The following EDRF1 variants were observed in gnomAD, a reference collection of about 807,000 sequenced individuals.
EDRF1 encodes the protein erythroid differentiation-related factor 1.
EDRF1 carries 69 observed loss-of-function variants against 148.7 expected under a neutral mutation model. That is an observed-to-expected ratio of 0.46 (90% CI 0.38 to 0.57). The LOEUF (loss-of-function observed/expected upper bound fraction) is 0.57, where lower values mean the gene tolerates loss of function less well. EDRF1 is among the 20% of genes least tolerant of loss of function. The pLI, the probability that EDRF1 is intolerant of heterozygous loss-of-function variation, is 0.00. For synonymous variants in EDRF1, 515 were observed against 532.8 expected, an observed-to-expected ratio of 0.97 and a Z score of 0.46; for missense variants, 1,118 against 1,478.7, an observed-to-expected ratio of 0.76 and a Z score of 4.00.
At chr10:125,749,928 G>A (rs1192913631) in intron 22 of EDRF1, 1 of 339,978 alleles carries the variant, frequency 2.9e-6, no homozygotes, top group African/African-American at 2.1e-5. Flanking sequence ...ATCACCTGAG[G>A]TCAGGAGTTC....
At chr10:125,743,000 A>C in intron 17 of EDRF1, 58 bp from the exon 18 acceptor site, 1 of 1,594,648 alleles carries the variant, frequency 6.3e-7, no homozygotes, top group Non-Finnish European at 8.5e-7. Context: ...GTTCATTTGG[A>C]TACTGAGGAA....
At chr10:125,724,023 G>A in intron 4 of EDRF1, 87 bp downstream of exon 4, 1 of 1,503,090 alleles carries the variant, frequency 6.7e-7, no homozygotes, top group Non-Finnish European at 9.2e-7. Flanking sequence ...TGGCCAAAGT[G>A]GAAATGTAGT....
intron 11 of EDRF1, 144 bp from the exon 12 acceptor site, chr10:125,733,928 T>C: frequency 1.2e-6 from 1 of 865,076 alleles, no homozygotes; most frequent in Admixed American, 2.2e-5. Flanking sequence ...ATAAACGTTT[T>C]GGGGGTTGTG....
Position 125,725,398 on chromosome 10 carries a change from G to C in EDRF1, c.591G>C (p.Glu197Asp). 6.2e-7 allele frequency: 1 copy of C among 1,613,956 alleles called. No individual in the cohort carries two copies. Among genetic ancestry groups the C allele is most frequent in the Admixed American group, 1.7e-5 (1 of 60,000 alleles). Residue 197 changes from glutamate to aspartate, a missense_variant, in exon 5 of 25, where the codon GAG becomes GAC. Physicochemically the swap from Glu to Asp is conservative, Grantham distance 45. Coordinates refer to ENST00000356792, the MANE Select transcript of EDRF1 (RefSeq NM_001202438.2). ...QKWQRKKKSK[E>D]HWYQKAILSK... is the part of the protein sequence containing the mutation. ...GGCAGAGGAAGAAAAAGAGCAAAGA[G>C]CACTGGTATCAAAAGGCAATTCTTT...
In EDRF1 at chr10:125,733,491, A is replaced by G. The variant is rs1298301260; in HGVS notation, c.1216A>G (p.Ile406Val). ...AGTCATAAAAGACATTGCACAGAAT[A>G]TTTTATCATTTTTGAAATCTAATTG... ...TKVIKDIAQN[I>V]LSFLKSNCTK... is the part of the protein sequence containing the mutation. Residue 406 changes from isoleucine to valine, a missense_variant, in exon 10 of 25, where the codon ATT becomes GTT. Around this residue, in one of 3 missense-constraint regions of EDRF1, gnomAD observed 954 missense variants for 1,241.4 expected, o/e 0.77. Transcript: ENST00000356792. The G allele has an allele frequency of 6.3e-7, 1 of 1,596,756 alleles. No homozygotes were observed. Among genetic ancestry groups the G allele is most frequent in the Non-Finnish European group, 8.6e-7 (1 of 1,164,558 alleles).
chr10:125,734,305 T>C, intron 12 of EDRF1, 122 bp downstream of exon 12: 1 of 765,414 alleles, frequency 1.3e-6, no homozygotes, highest in Non-Finnish European at 2.3e-6. Context: ...TGGTAGCCAT[T>C]AGCACATGTG....
chr10:125,740,114 G>A (rs760378574), intron 15 of EDRF1, among the ~76,000 whole-genome samples: 2 of 152,178 alleles, frequency 1.3e-5, no homozygotes, highest in Non-Finnish European at 2.9e-5. Flanking sequence ...TTGAGGACAG[G>A]CTTTCACGCT....
chr10:125,740,493 G>T lies in EDRF1; in HGVS notation c.2012G>T (p.Ser671Ile). 1 of 1,613,920 alleles carries T rather than the reference G, an allele frequency of 6.2e-7. No homozygotes were observed. The highest frequency in any genetic ancestry group is 8.5e-7 in the Non-Finnish European group (1 of 1,180,002). The change falls in exon 16 of 25, where the codon AGT (serine) becomes ATT (isoleucine). Residue 671 changes from serine to isoleucine, a missense_variant. Around this residue, in one of 3 missense-constraint regions of EDRF1, gnomAD observed 954 missense variants for 1,241.4 expected, o/e 0.77. Transcript: ENST00000356792. ...TCCCTTCAGAAGGGCAATTATTCCA[G>T]TCAATCTGGAATGATCCCTGGCTCT... ...MGSLQKGNYS[S>I]QSGMIPGSWQ...
chr10:125,729,663 T>C (rs1448403708), intron 8 of EDRF1, among the ~76,000 whole-genome samples, 184 bp downstream of exon 8: 2 of 152,210 alleles, frequency 1.3e-5, no homozygotes, highest in Non-Finnish European at 2.9e-5. Flanking sequence ...TCTTCCTCTT[T>C]CTCTAGGTTT....
At chr10:125,751,430 G>A (rs1849637002) in intron 22 of EDRF1, among the ~76,000 whole-genome samples, 4 of 134,750 alleles carry the variant, frequency 3.0e-5, no homozygotes, top group Non-Finnish European at 1.6e-5. Context: ...TTTTTTTCTA[G>A]TACATATGAT....
intron 18 of EDRF1, 47 bp downstream of exon 18, chr10:125,743,323 A>C: frequency 6.5e-7 from 1 of 1,529,572 alleles, no homozygotes; most frequent in East Asian, 2.3e-5. Context: ...CTCTCAGAAA[A>C]TTATGCTAAT....
chr10:125,737,725 C>A (rs1404479547), intron 13 of EDRF1, among the ~76,000 whole-genome samples, 193 bp from the exon 14 acceptor site: 1 of 152,170 alleles, frequency 6.6e-6, no homozygotes, highest in African/African-American at 2.4e-5. Flanking sequence ...CATTACTACT[C>A]TAGTTCTTGC....
chr10:125,730,855 G>T (rs1163562740), intron 9 of EDRF1, among the ~76,000 whole-genome samples: 2 of 152,146 alleles, frequency 1.3e-5, no homozygotes, highest in Non-Finnish European at 2.9e-5. Context: ...TATAAGTGTT[G>T]GGGGAAGCTA....
At chr10:125,757,021 C>G (rs1469840751) in intron 24 of EDRF1, 2 of 428,900 alleles carry the variant, frequency 4.7e-6, no homozygotes, top group Non-Finnish European at 9.2e-6. Context: ...CCATGTTGCC[C>G]AGGCTGGTCT....
chr10:125,739,273 TG>T (rs1428068676), intron 15 of EDRF1, among the ~76,000 whole-genome samples: 7 of 152,234 alleles, frequency 4.6e-5, no homozygotes, highest in African/African-American at 1.7e-4. Context: ...ATAGTGCTGC[TG>T]GTATGCCAGG....
chr10:125,719,931 A>AG lies in EDRF1; in HGVS notation c.108+21dup, dbSNP rs749319293. On this transcript the variant is annotated intron_variant, in intron 1 of 24. Transcript: ENST00000356792. ...TTCTGCACAGGTGAGTCCTCCGCGG[A>AG]GGGGGACCTGCCAGGGATGTGGGAG... The AG allele has an allele frequency of 3.1e-6, 5 of 1,606,024 alleles. No individual in the cohort carries two copies. Among genetic ancestry groups the AG allele is most frequent in the African/African-American group, 2.7e-5 (2 of 74,830 alleles).
intron 24 of EDRF1, among the ~76,000 whole-genome samples, chr10:125,755,465 T>A (rs954460308): frequency 1.3e-5 from 2 of 152,242 alleles, no homozygotes; most frequent in Non-Finnish European, 2.9e-5. Flanking sequence ...ACTTTTCTTA[T>A]AATGGGTTTG....
chr10:125,753,004 G>T (rs10751530), intron 23 of EDRF1, 90 bp downstream of exon 23: 631,927 of 867,348 alleles, frequency 0.73, 235,559 homozygotes, highest in East Asian at 0.9. Context: ...TATGTGTGTG[G>T]GTATATATAC....
chr10:125,740,765 A>G, intron 16 of EDRF1, 114 bp downstream of exon 16: 1 of 1,263,896 alleles, frequency 7.9e-7, no homozygotes, highest in Non-Finnish European at 1.1e-6. Flanking sequence ...TTATTTTAAA[A>G]TGACTGTTTC....
Sources: gnomAD v4.1 joint callset for allele counts (sites outside exome capture counted in the v4.1 genomes callset) on GRCh38, gnomAD v4.1.1 for gene constraint, gnomAD v4.1.1 regional missense constraint, MANE v1.5 for transcripts, NCBI Gene and HGNC (gene_info 2026-07-23, HGNC 2026-07-21) for gene names.